Variants in THEMIS observed in about 807,000 individuals in gnomAD.
THEMIS encodes the protein thymocyte selection associated.
In THEMIS, 37 loss-of-function variants were observed where a neutral mutation model predicts 52.6. The observed-to-expected ratio is 0.70, with a 90% CI of 0.54 to 0.93. THEMIS has a LOEUF of 0.93. Ranked by LOEUF, THEMIS falls within the 40% of genes least tolerant of loss-of-function variation. The pLI, the probability that THEMIS is intolerant of heterozygous loss-of-function variation, is 0.00. For synonymous variants in THEMIS, 292 were observed against 272.7 expected, an observed-to-expected ratio of 1.07 and a Z score of -0.70; for missense variants, 808 against 763.1, an observed-to-expected ratio of 1.06 and a Z score of -0.69.
intron 4 of THEMIS, among the ~76,000 whole-genome samples, chr6:127,787,848 G>T (rs1347829324): frequency 9.0e-6 from 1 of 111,032 alleles, no homozygotes; most frequent in African/African-American, 3.9e-5. Flanking sequence ...GAGATAGACA[G>T]ATATAGATAG....
intron 2 of THEMIS, among the ~76,000 whole-genome samples, chr6:127,842,270 C>A (rs929573937): frequency 6.6e-6 from 1 of 151,666 alleles, no homozygotes; most frequent in African/African-American, 2.4e-5. Context: ...CAATGAATGA[C>A]GATTGAATGT....
intron 1 of THEMIS, among the ~76,000 whole-genome samples, chr6:127,875,008 T>C (rs1417027513): frequency 6.6e-6 from 1 of 152,194 alleles, no homozygotes; most frequent in African/African-American, 2.4e-5. Flanking sequence ...AGAAACCCTA[T>C]TGTGAACTGT....
intron 4 of THEMIS, among the ~76,000 whole-genome samples, chr6:127,775,924 C>G (rs1776552447): frequency 6.6e-6 from 1 of 152,102 alleles, no homozygotes; most frequent in South Asian, 2.1e-4. Context: ...GTATCTCTAA[C>G]ATTTTCTCTC....
At chr6:127,791,393 G>T (rs914236403) in intron 4 of THEMIS, among the ~76,000 whole-genome samples, 2 of 152,160 alleles carry the variant, frequency 1.3e-5, no homozygotes, top group Non-Finnish European at 2.9e-5. Flanking sequence ...ACCCACAATG[G>T]GTAGTTCCTT....
intron 4 of THEMIS, among the ~76,000 whole-genome samples, chr6:127,788,040 A>C (rs1030566782): frequency 9.0e-5 from 4 of 44,286 alleles, no homozygotes; most frequent in African/African-American, 3.8e-4. Context: ...CTGCACAGAC[A>C]AGAGTTGAGT....
chr6:127,726,395 A>T (rs937464674), intron 4 of THEMIS, among the ~76,000 whole-genome samples: 1 of 152,124 alleles, frequency 6.6e-6, no homozygotes. Flanking sequence ...CCCAAGAAAA[A>T]CCACCCTTGC....
At chr6:127,836,249 T>G (rs1056068933) in intron 2 of THEMIS, among the ~76,000 whole-genome samples, 1 of 152,124 alleles carries the variant, frequency 6.6e-6, no homozygotes, top group Non-Finnish European at 1.5e-5. Context: ...TGCCTGCAAA[T>G]TAAATGTACC....
chr6:127,914,769 C>T (rs1203818805), intron 1 of THEMIS, among the ~76,000 whole-genome samples: 7 of 152,114 alleles, frequency 4.6e-5, no homozygotes. Context: ...GCCTTTGTTC[C>T]CACTTTACAG....
At chr6:127,704,468 T>C (rs764966299), downstream of THEMIS, among the ~76,000 whole-genome samples, 1 of 152,152 alleles carries the variant, frequency 6.6e-6, no homozygotes, top group Non-Finnish European at 1.5e-5. Flanking sequence ...CAAGCTCCAA[T>C]AGGAGAATTA....
chr6:127,835,038 T>A (rs1330770789), intron 2 of THEMIS, among the ~76,000 whole-genome samples: 1 of 152,148 alleles, frequency 6.6e-6, no homozygotes, highest in East Asian at 1.9e-4. Flanking sequence ...ATAACCTTGA[T>A]GGCAACACAG....
intron 1 of THEMIS, among the ~76,000 whole-genome samples, chr6:127,857,074 T>A (rs199781366): frequency 6.7e-6 from 1 of 148,442 alleles, no homozygotes; most frequent in Non-Finnish European, 1.5e-5. Flanking sequence ...AAACTTTGAT[T>A]AAAAAAAAAA....
intron 2 of THEMIS, among the ~76,000 whole-genome samples, chr6:127,831,312 T>C (rs1481081077): frequency 2.6e-5 from 4 of 152,160 alleles, no homozygotes; most frequent in Admixed American, 2.0e-4. Flanking sequence ...GCAACTGCTT[T>C]GTATCACTTT....
At chr6:127,833,978 A>C (rs1778787823) in intron 2 of THEMIS, among the ~76,000 whole-genome samples, 3 of 152,180 alleles carry the variant, frequency 2.0e-5, no homozygotes. Context: ...AAAGTATTGG[A>C]ATATAAAATA....
At position 127,735,118 on chromosome 6, in the gene THEMIS, G is replaced by C. The variant is rs187885606; in HGVS notation, c.1759-15295C>G. ...ATAGTCTCAGCAGACGAAAATTTTA[G>C]AGACTTGATTCTGTACTACTCTGGA... On this transcript the variant is annotated intron_variant, in intron 4 of 5. Transcript: ENST00000368248. Among the ~76,000 whole-genome samples the C allele has an allele frequency of 9.9e-5, 15 of 151,676 alleles. 1 individual carries two copies. Among genetic ancestry groups the C allele is most frequent in the Admixed American group, 9.9e-4 (15 of 15,188 alleles).
rs1343196182 is a variant in THEMIS at position 127,719,626 on chromosome 6, C to A, written c.1894+62G>T. On this transcript the variant is annotated intron_variant, in intron 5 of 5. Transcript: ENST00000368248. Reference sequence around the variant, plus strand: ...AATAATAGTAAGAATCTGTCCATTGCACCTTTGTCATGTGGACAGTTAAAC... The same window carrying A: ...AATAATAGTAAGAATCTGTCCATTGAACCTTTGTCATGTGGACAGTTAAAC... 2.8e-6 allele frequency: 4 copies of A among 1,453,200 alleles called. No homozygotes were observed. The African/African-American group carries it at 4.3e-5, about 16-fold the overall frequency. The allele number at this position is 1,453,200 out of a possible 1,614,324, so 90.0% of individuals were successfully genotyped here. A position where few individuals can be genotyped will look rare whatever the true frequency, so the allele number is the denominator to read the frequency against.
At chr6:127,858,646 T>A (rs1779696281) in intron 1 of THEMIS, among the ~76,000 whole-genome samples, 1 of 152,132 alleles carries the variant, frequency 6.6e-6, no homozygotes, top group Admixed American at 6.6e-5. Context: ...TAATTGCTTT[T>A]AAAAAAATTG....
At chr6:127,858,567 G>C (rs2114318330) in intron 1 of THEMIS, among the ~76,000 whole-genome samples, 1 of 151,956 alleles carries the variant, frequency 6.6e-6, no homozygotes, top group South Asian at 2.1e-4. Context: ...TTTCCTTCTT[G>C]ATAAGTTAAA....
At chr6:127,697,507 A>T in the THEMIS span, among the ~76,000 whole-genome samples, 33 of 152,258 alleles carry the variant, frequency 2.2e-4, 2 homozygotes, top group East Asian at 4.6e-3. Flanking sequence ...AGTGACTCCC[A>T]TCTCATTCAA....
chr6:127,858,469 G>C (rs111987951), intron 1 of THEMIS, among the ~76,000 whole-genome samples: 1 of 152,060 alleles, frequency 6.6e-6, no homozygotes, highest in Non-Finnish European at 1.5e-5. Context: ...TATGATAGGT[G>C]ACAGGGACAT....
Sources: gnomAD v4.1 joint callset for allele counts (sites outside exome capture counted in the v4.1 genomes callset) on GRCh38, gnomAD v4.1.1 for gene constraint, MANE v1.5 for transcripts, NCBI Gene and HGNC (gene_info 2026-07-23, HGNC 2026-07-21) for gene names.